Variants in NMT2 observed in about 807,000 individuals in gnomAD.
NMT2 encodes the protein glycylpeptide N-tetradecanoyltransferase 2.
NMT2 carries 35 observed loss-of-function variants against 65.4 expected under a neutral mutation model. The observed-to-expected ratio is 0.54, with a 90% confidence interval of 0.41 to 0.71. NMT2 has a LOEUF of 0.71. Ranked by LOEUF, NMT2 falls within the 30% of genes least tolerant of loss-of-function variation. The pLI is 0.00. For synonymous variants in NMT2, 226 were observed against 231.8 expected (o/e 0.98, Z 0.23); for missense variants, 489 against 611.3 (o/e 0.80, Z 2.11).
intron 2 of NMT2, 139 bp downstream of exon 2, chr10:15,141,283 G>A: frequency 8.7e-7 from 1 of 1,146,254 alleles, no homozygotes; most frequent in Admixed American, 2.2e-5. Context: ...AGGCTGTCAA[G>A]AGCTTCCAGT....
chr10:15,110,922 CT>C (rs1398381129), intron 10 of NMT2, among the ~76,000 whole-genome samples: 1 of 152,066 alleles, frequency 6.6e-6, no homozygotes, highest in Non-Finnish European at 1.5e-5. Context: ...TTCCTAGTAG[CT>C]GGCATTACAG....
intron 1 of NMT2, among the ~76,000 whole-genome samples, chr10:15,144,973 T>C (rs1846912246): frequency 6.6e-6 from 1 of 152,132 alleles, no homozygotes; most frequent in Non-Finnish European, 1.5e-5. Flanking sequence ...GCATCATTCA[T>C]AACAGCCCAA....
chr10:15,155,495 A>G (rs1832965082), intron 1 of NMT2, among the ~76,000 whole-genome samples: 1 of 139,764 alleles, frequency 7.2e-6, no homozygotes, highest in Non-Finnish European at 1.5e-5. Context: ...CAGCCTCCTG[A>G]GTAGCTAGGA....
At chr10:15,155,427 G>A in intron 1 of NMT2, 1 of 521,592 alleles carries the variant, frequency 1.9e-6, no homozygotes, top group East Asian at 3.6e-5. Flanking sequence ...GAAGTGCAGT[G>A]ATGCAATCAT....
chr10:15,155,305 T>C (rs1335361404), intron 1 of NMT2: 3 of 1,318,510 alleles, frequency 2.3e-6, no homozygotes, highest in Admixed American at 1.7e-5. Flanking sequence ...TTGAAGAACA[T>C]GGTGGGGTTG....
intron 2 of NMT2, chr10:15,138,437 C>A (rs1330881483): frequency 2.1e-6 from 1 of 471,072 alleles, no homozygotes; most frequent in African/African-American, 2.0e-5. Flanking sequence ...CATAGTAGCA[C>A]TACCTGGGAA....
chr10:15,118,280 A>G (rs1296721164), intron 9 of NMT2, among the ~76,000 whole-genome samples: 1 of 152,204 alleles, frequency 6.6e-6, no homozygotes, highest in African/African-American at 2.4e-5. Flanking sequence ...GCTCACACCT[A>G]TAATTCCAGC....
intron 3 of NMT2, among the ~76,000 whole-genome samples, chr10:15,133,862 G>A (rs957865075): frequency 1.3e-5 from 2 of 152,128 alleles, no homozygotes; most frequent in East Asian, 1.9e-4. Context: ...TGCTGGGATT[G>A]TAGGTGTGAG....
intron 9 of NMT2, among the ~76,000 whole-genome samples, chr10:15,114,692 A>G (rs1454861639): frequency 6.6e-6 from 1 of 152,162 alleles, no homozygotes; most frequent in Non-Finnish European, 1.5e-5. Flanking sequence ...TGAGTATAGA[A>G]GATCCTAAGT....
chr10:15,168,220 G>A (rs1023946387), intron 1 of NMT2: 1 of 304,270 alleles, frequency 3.3e-6, no homozygotes. Context: ...GGCCGCCGGC[G>A]GGGATGGGCG....
intron 4 of NMT2, 49 bp from the exon 5 acceptor site, chr10:15,133,193 G>A: frequency 6.3e-7 from 1 of 1,599,324 alleles, no homozygotes; most frequent in South Asian, 1.1e-5. Context: ...AATCAACTTA[G>A]AAGCAATGTG....
intron 1 of NMT2, among the ~76,000 whole-genome samples, chr10:15,146,018 G>A (rs918165071): frequency 6.6e-6 from 1 of 152,146 alleles, no homozygotes; most frequent in Non-Finnish European, 1.5e-5. Flanking sequence ...AGTACTCAAG[G>A]CTGATTACCA....
chr10:15,128,291 T>A (rs1420462822), intron 8 of NMT2, 59 bp downstream of exon 8: 1 of 950,626 alleles, frequency 1.1e-6, no homozygotes, highest in Non-Finnish European at 1.7e-6. Context: ...ATAATTCTTT[T>A]CTGCATTAAA....
At chr10:15,158,346 T>C (rs975006819) in intron 1 of NMT2, among the ~76,000 whole-genome samples, 1 of 151,016 alleles carries the variant, frequency 6.6e-6, no homozygotes, top group South Asian at 2.1e-4. Flanking sequence ...TACATAAGCA[T>C]ATGCCAAGAG....
At chr10:15,122,119 T>C (rs184086557) in intron 8 of NMT2, among the ~76,000 whole-genome samples, 1 of 152,346 alleles carries the variant, frequency 6.6e-6, no homozygotes, top group Admixed American at 6.5e-5. Flanking sequence ...CTTAGCTTGA[T>C]AAATTTCAAA....
chr10:15,140,865 G>A, intron 2 of NMT2: 2 of 912,278 alleles, frequency 2.2e-6, no homozygotes, highest in South Asian at 3.0e-5. Context: ...ACGGGGCCCA[G>A]CTGGACAACT....
intron 1 of NMT2, among the ~76,000 whole-genome samples, chr10:15,166,486 A>G (rs1317235227): frequency 6.6e-6 from 1 of 152,252 alleles, no homozygotes; most frequent in Admixed American, 6.5e-5. Context: ...TCATCAGTAC[A>G]TGAGCCAAAT....
intron 1 of NMT2, chr10:15,154,971 T>C (rs549010385): frequency 1.8e-6 from 2 of 1,140,366 alleles, no homozygotes; most frequent in Admixed American, 1.7e-5. Flanking sequence ...CTGGGAATCG[T>C]TTGTGTTGGG....
chr10:15,141,322 A>G (rs1846746889), intron 2 of NMT2, 100 bp downstream of exon 2: 8 of 1,445,582 alleles, frequency 5.5e-6, no homozygotes, highest in South Asian at 1.3e-5. Context: ...CACAGTCACA[A>G]CAAAGTCCCT....
Sources: allele counts gnomAD v4.1 joint callset (sites outside exome capture counted in the v4.1 genomes callset), GRCh38; gene constraint gnomAD v4.1.1; transcripts MANE v1.5; gene names NCBI Gene and HGNC (gene_info 2026-07-23, HGNC 2026-07-21).